RFX7: variants seen among roughly 807,000 people sequenced by gnomAD.
The protein encoded by RFX7 is regulatory factor X7.
A neutral mutation model predicts 111.8 loss-of-function variants in RFX7; 26 were observed. That is an observed-to-expected ratio of 0.23 (90% CI 0.17 to 0.32). RFX7 has a LOEUF of 0.32. RFX7 is among the 10% of genes least tolerant of loss of function. The probability of loss-of-function intolerance (pLI) is 1.00; values close to 1 mark genes in which losing one functional copy is unlikely to be tolerated. For missense variants in RFX7, 1,573 were observed against 1,772.9 expected (o/e 0.89, Z 2.02); for synonymous variants, 624 against 624.4 (o/e 1.00, Z 0.01).
intron 5 of RFX7, among the ~76,000 whole-genome samples, chr15:56,117,017 G>A (rs1250072505): frequency 6.6e-6 from 1 of 152,168 alleles, no homozygotes; most frequent in Non-Finnish European, 1.5e-5. Flanking sequence ...TGAGAGAGGT[G>A]CTGGTAAAGA....
At chr15:56,210,704 G>A (rs1052683021) in intron 2 of RFX7, among the ~76,000 whole-genome samples, 30 of 152,082 alleles carry the variant, frequency 2.0e-4, no homozygotes, top group Non-Finnish European at 4.1e-4. Flanking sequence ...TAAATAACGC[G>A]TAAGTCAAAG....
chr15:56,216,769 C>A (rs756345586), intron 2 of RFX7, among the ~76,000 whole-genome samples: 1 of 152,108 alleles, frequency 6.6e-6, no homozygotes, highest in Non-Finnish European at 1.5e-5. Context: ...GATGTGGAAT[C>A]TTTTCATTAT....
At chr15:56,096,762 AGACCAGGTTCTACACAATCAGAC>A in intron 9 of RFX7, 142 bp from the exon 10 acceptor site, 1 of 824,038 alleles carries the variant, frequency 1.2e-6, no homozygotes, top group Non-Finnish European at 1.8e-6. Flanking sequence ...GAGTTCTTCT[AGACCAGGTTCTACACAATCAGAC>A]ACATAAATGT....
intron 2 of RFX7, among the ~76,000 whole-genome samples, chr15:56,228,973 T>C (rs1219756787): frequency 1.3e-5 from 2 of 152,188 alleles, no homozygotes; most frequent in African/African-American, 4.8e-5. Context: ...GTAATTATAA[T>C]ACATAGTAAA....
rs2043744758 is a variant in RFX7, at chr15:56,243,546, G to A, written c.-104C>T. On this transcript the variant is annotated 5_prime_UTR_variant, in exon 1 of 10. Transcript: ENST00000559447. The stretch of plus-strand genomic sequence containing the variant: ...GGGCGCTTCACCGCGGGAGAGGCAT[G>A]GCGGCGCCCCTCAGCCCCCCGCTGG... 8 of 981,518 alleles carry A rather than the reference G, an allele frequency of 8.2e-6. No individual in the cohort carries two copies. In the East Asian group the frequency reaches 3.5e-4, roughly 43 times the overall value. 60.8% of individuals were successfully genotyped at this position (981,518 alleles called of 1,614,324 possible). A position where few individuals can be genotyped will look rare whatever the true frequency, so the allele number is the denominator to read the frequency against.
chr15:56,112,877 TG>T, intron 5 of RFX7, among the ~76,000 whole-genome samples: 1 of 152,326 alleles, frequency 6.6e-6, no homozygotes, highest in Admixed American at 6.5e-5. Context: ...AAGGTATTTA[TG>T]CAACCAACAA....
At position 56,117,289 on chromosome 15, in the gene RFX7, A is replaced by C. The variant is rs141209918; in HGVS notation, c.402-13619T>G. On this transcript the variant is annotated intron_variant, in intron 5 of 9. Coordinates refer to ENST00000559447, the MANE Select transcript of RFX7 (RefSeq NM_022841.7). ...AAACTGGGCCTTAGAGAACAAGTAG[A>C]TTTACTCATATGGGTGTTAGGGTGG... Among the ~76,000 whole-genome samples the C allele has an allele frequency of 1.8e-3, 277 of 152,152 alleles. 4 individuals carry two copies. In the East Asian group the frequency reaches 0.036, roughly 20 times the overall value.
chr15:56,203,025 C>T (rs1376352109), intron 2 of RFX7, among the ~76,000 whole-genome samples: 3 of 151,916 alleles, frequency 2.0e-5, no homozygotes, highest in Non-Finnish European at 1.5e-5. Context: ...ATCTGCCCTC[C>T]CCCCACCAAA....
At chr15:56,147,635 G>A (rs1199144855) in intron 3 of RFX7, among the ~76,000 whole-genome samples, 2 of 151,586 alleles carry the variant, frequency 1.3e-5, no homozygotes, top group African/African-American at 4.9e-5. Flanking sequence ...GTGCAGTGGT[G>A]CAATCTCAGC....
At chr15:56,147,660 G>GC (rs760782154) in intron 3 of RFX7, among the ~76,000 whole-genome samples, 1 of 151,472 alleles carries the variant, frequency 6.6e-6, no homozygotes, top group Non-Finnish European at 1.5e-5. Flanking sequence ...TGCAAGCTCC[G>GC]CCCCCCGGGT....
intron 3 of RFX7, among the ~76,000 whole-genome samples, chr15:56,162,137 T>TA (rs796082432): frequency 9.9e-5 from 15 of 151,996 alleles, no homozygotes; most frequent in Admixed American, 3.3e-4. Flanking sequence ...TTTCAGCATG[T>TA]AAAAAAATGA....
At chr15:56,236,432 G>A (rs2043624476) in intron 2 of RFX7, among the ~76,000 whole-genome samples, 1 of 151,916 alleles carries the variant, frequency 6.6e-6, no homozygotes, top group Non-Finnish European at 1.5e-5. Context: ...CTCGAACTTA[G>A]AACCCTCCAA....
chr15:56,223,924 T>C (rs181460315), intron 2 of RFX7, among the ~76,000 whole-genome samples: 74 of 152,248 alleles, frequency 4.9e-4, no homozygotes, highest in Non-Finnish European at 8.5e-4. Flanking sequence ...CCATTTAGCA[T>C]TGCATGGTGG....
chr15:56,186,578 C>CAAAA (rs2043040546), intron 2 of RFX7, among the ~76,000 whole-genome samples: 1 of 151,762 alleles, frequency 6.6e-6, no homozygotes, highest in African/African-American at 2.4e-5. Flanking sequence ...GTCTAGGAGT[C>CAAAA]TTTTATTATA....
chr15:56,131,593 T>C (rs572169486), intron 5 of RFX7, among the ~76,000 whole-genome samples: 21 of 152,174 alleles, frequency 1.4e-4, no homozygotes, highest in Non-Finnish European at 2.4e-4. Flanking sequence ...ATACATCACA[T>C]TGACAGGTCA....
intron 2 of RFX7, among the ~76,000 whole-genome samples, chr15:56,183,978 C>A (rs1423680009): frequency 1.3e-5 from 2 of 151,238 alleles, no homozygotes; most frequent in Admixed American, 1.3e-4. Flanking sequence ...GACCTTATCT[C>A]CAGCAACCTT....
chr15:56,141,842 A>C (rs1229679564), intron 5 of RFX7, among the ~76,000 whole-genome samples: 9 of 151,474 alleles, frequency 5.9e-5, no homozygotes, highest in Admixed American at 3.3e-4. Flanking sequence ...AGAGAAAATA[A>C]ATCTAGAGTC....
chr15:56,130,969 G>A (rs1383786046), intron 5 of RFX7, among the ~76,000 whole-genome samples: 1 of 152,094 alleles, frequency 6.6e-6, no homozygotes, highest in Non-Finnish European at 1.5e-5. Flanking sequence ...TGGTTTTGTA[G>A]TTGAGTTCTT....
intron 5 of RFX7, among the ~76,000 whole-genome samples, chr15:56,110,129 G>T (rs1299662802): frequency 7.3e-6 from 1 of 136,910 alleles, no homozygotes; most frequent in Non-Finnish European, 1.6e-5. Context: ...CGCCCAGTCC[G>T]GGAGGGAGGT....
Sources: gnomAD v4.1 joint callset for allele counts (sites outside exome capture counted in the v4.1 genomes callset) on GRCh38, gnomAD v4.1.1 for gene constraint, MANE v1.5 for transcripts, NCBI Gene and HGNC (gene_info 2026-07-23, HGNC 2026-07-21) for gene names.